ARID1B: variants seen among roughly 807,000 people sequenced by gnomAD.
The protein encoded by ARID1B is AT-rich interaction domain 1B.
ARID1B carries 30 observed loss-of-function variants against 212.3 expected under a neutral mutation model. The ratio of observed to expected loss-of-function variants is 0.14; its 90% CI spans 0.11 to 0.19. The LOEUF (loss-of-function observed/expected upper bound fraction) is 0.19, where lower values mean the gene tolerates loss of function less well. Among genes scored for constraint, ARID1B ranks in the 10% least tolerant of loss-of-function variants. The probability of loss-of-function intolerance (pLI) is 1.00; values close to 1 mark genes in which losing one functional copy is unlikely to be tolerated. For synonymous variants in ARID1B, 1,402 were observed against 1,301.7 expected (o/e 1.08, Z -1.66); for missense variants, 2,891 against 3,204.0 (o/e 0.90, Z 2.36).
chr6:156,877,708 C>CTT (rs527950418), intron 2 of ARID1B, among the ~76,000 whole-genome samples: 20 of 142,164 alleles, frequency 1.4e-4, no homozygotes, highest in African/African-American at 4.1e-4. Flanking sequence ...CATATTTATC[C>CTT]TTTTTTTTTT....
intron 7 of ARID1B, among the ~76,000 whole-genome samples, chr6:157,147,854 A>C (rs1258187712): frequency 4.1e-3 from 30 of 7,346 alleles, no homozygotes; most frequent in Non-Finnish European, 4.2e-3. Flanking sequence ...CCTGCCCGCC[A>C]GCCCTCACCC....
At chr6:157,029,245 A>G (rs926867684) in intron 4 of ARID1B, among the ~76,000 whole-genome samples, 3 of 152,250 alleles carry the variant, frequency 2.0e-5, no homozygotes, top group Admixed American at 6.5e-5. Context: ...AGCATGTATC[A>G]CCAACCACAC....
chr6:157,017,452 A>G (rs963040429), intron 4 of ARID1B, among the ~76,000 whole-genome samples: 2 of 152,170 alleles, frequency 1.3e-5, no homozygotes, highest in African/African-American at 4.8e-5. Context: ...ATTTTATAAA[A>G]TATGTTTGTT....
chr6:156,884,044 A>C (rs1787313920), intron 2 of ARID1B, among the ~76,000 whole-genome samples: 1 of 152,188 alleles, frequency 6.6e-6, no homozygotes, highest in Admixed American at 6.5e-5. Context: ...AGTGTTTTCT[A>C]AACTGCTGAT....
intron 2 of ARID1B, 87 bp from the exon 3 acceptor site, chr6:156,901,289 C>T (rs1788908754): frequency 6.7e-7 from 1 of 1,498,572 alleles, no homozygotes; most frequent in Non-Finnish European, 9.2e-7. Flanking sequence ...AGAGAACCCC[C>T]TTCATGTTGC....
At chr6:157,022,346 C>T (rs887850571) in intron 4 of ARID1B, 9 of 152,398 alleles carry the variant, frequency 5.9e-5, no homozygotes, top group Admixed American at 2.0e-4. Flanking sequence ...CTGGGAAAAC[C>T]AACTCACAGC....
At chr6:157,107,883 T>C (rs1786607770) in intron 5 of ARID1B, 1 of 152,206 alleles carries the variant, frequency 6.6e-6, no homozygotes, top group Non-Finnish European at 1.5e-5. Context: ...AAGGTGTTTA[T>C]TGAATTCGGT....
intron 1 of ARID1B, among the ~76,000 whole-genome samples, chr6:156,819,054 G>T (rs142361483): frequency 6.6e-6 from 1 of 152,250 alleles, no homozygotes. Context: ...CATTAACTGA[G>T]GTGCAAGGAA....
At chr6:157,101,137 G>C (rs969079589) in intron 5 of ARID1B, among the ~76,000 whole-genome samples, 2 of 152,138 alleles carry the variant, frequency 1.3e-5, no homozygotes, top group Non-Finnish European at 2.9e-5. Context: ...AGATGAACAC[G>C]ATCATAGTAG....
At chr6:157,025,849 T>C (rs1481246663) in intron 4 of ARID1B, among the ~76,000 whole-genome samples, 1 of 152,182 alleles carries the variant, frequency 6.6e-6, no homozygotes, top group African/African-American at 2.4e-5. Context: ...TGCTGGATCA[T>C]ATAGCAGACT....
chr6:156,783,810 A>G (rs1294081106), intron 1 of ARID1B, among the ~76,000 whole-genome samples: 3 of 152,072 alleles, frequency 2.0e-5, no homozygotes, highest in Non-Finnish European at 2.9e-5. Context: ...CTTTTCTTGC[A>G]GCTCTACACT....
At chr6:157,204,020 C>A in intron 19 of ARID1B, 24 bp downstream of exon 19, 1 of 1,613,524 alleles carries the variant, frequency 6.2e-7, no homozygotes. Context: ...GTCCAACTAA[C>A]AACCAAATTA....
At chr6:157,052,428 G>C (rs1782672083) in intron 4 of ARID1B, among the ~76,000 whole-genome samples, 1 of 152,166 alleles carries the variant, frequency 6.6e-6, no homozygotes, top group Non-Finnish European at 1.5e-5. Flanking sequence ...TGTTGGGGCT[G>C]ATTACTTTCC....
At chr6:156,817,405 G>A (rs866861334) in intron 1 of ARID1B, among the ~76,000 whole-genome samples, 1 of 152,080 alleles carries the variant, frequency 6.6e-6, no homozygotes, top group Non-Finnish European at 1.5e-5. Context: ...GGAGGCTGAG[G>A]CAGGAGGATC....
At chr6:157,019,795 C>T (rs1215227602) in intron 4 of ARID1B, among the ~76,000 whole-genome samples, 3 of 152,160 alleles carry the variant, frequency 2.0e-5, no homozygotes, top group Non-Finnish European at 4.4e-5. Flanking sequence ...CCTGTATTTC[C>T]TGCTGCCAGC....
chr6:157,163,637 G>A (rs1245288120), intron 8 of ARID1B, among the ~76,000 whole-genome samples: 1 of 152,184 alleles, frequency 6.6e-6, no homozygotes, highest in East Asian at 1.9e-4. Flanking sequence ...TGGAGGCCCA[G>A]TAGGCCTGCA....
At chr6:156,983,867 T>C (rs1016663475) in intron 4 of ARID1B, among the ~76,000 whole-genome samples, 1 of 152,180 alleles carries the variant, frequency 6.6e-6, no homozygotes, top group Non-Finnish European at 1.5e-5. Flanking sequence ...ATACCAGCTG[T>C]GTTAATTTGT....
chr6:156,957,922 A>G (rs1794088466), intron 4 of ARID1B, among the ~76,000 whole-genome samples: 1 of 152,086 alleles, frequency 6.6e-6, no homozygotes, highest in Admixed American at 6.5e-5. Context: ...TCTGCTAGGG[A>G]ATCTGTTATG....
intron 4 of ARID1B, among the ~76,000 whole-genome samples, chr6:157,048,294 G>T (rs1782370356): frequency 6.6e-6 from 1 of 152,158 alleles, no homozygotes; most frequent in Non-Finnish European, 1.5e-5. Context: ...GAAACCTGTT[G>T]AATTAATACT....
Sources: gnomAD v4.1 joint callset for allele counts (sites outside exome capture counted in the v4.1 genomes callset) on GRCh38, gnomAD v4.1.1 for gene constraint, MANE v1.5 for transcripts, NCBI Gene and HGNC (gene_info 2026-07-23, HGNC 2026-07-21) for gene names.